CDYL2: variants seen among roughly 807,000 people sequenced by gnomAD.
The protein encoded by CDYL2 is chromodomain Y-like protein 2.
Under a neutral mutation model 49.4 loss-of-function variants are expected in CDYL2, and 23 were observed. The observed-to-expected ratio is 0.47, with a 90% confidence interval of 0.34 to 0.66. CDYL2 has a LOEUF of 0.66. Ranked by LOEUF, CDYL2 falls within the 30% of genes least tolerant of loss-of-function variation. The pLI is 0.01. For synonymous variants in CDYL2, 360 were observed against 268.8 expected, an observed-to-expected ratio of 1.34 and a Z score of -3.32; for missense variants, 678 against 656.4, an observed-to-expected ratio of 1.03 and a Z score of -0.36.
intron 2 of CDYL2, among the ~76,000 whole-genome samples, chr16:80,651,212 T>C (rs976914526): frequency 6.6e-6 from 1 of 152,184 alleles, no homozygotes; most frequent in Non-Finnish European, 1.5e-5. Flanking sequence ...AAACATCCCA[T>C]GTACCCATAC....
At chr16:80,763,386 A>G (rs1253925981) in intron 1 of CDYL2, among the ~76,000 whole-genome samples, 1 of 5,076 alleles carries the variant, frequency 2.0e-4, no homozygotes. Flanking sequence ...CGAGGCGGGC[A>G]GATCACTTGA....
chr16:80,727,808 C>A (rs1567586870), intron 1 of CDYL2, among the ~76,000 whole-genome samples: 1 of 152,210 alleles, frequency 6.6e-6, no homozygotes, highest in Non-Finnish European at 1.5e-5. Flanking sequence ...CCCGAGCAGC[C>A]TAACTGAAAG....
At chr16:80,659,629 C>T (rs1480201913) in intron 2 of CDYL2, among the ~76,000 whole-genome samples, 2 of 151,144 alleles carry the variant, frequency 1.3e-5, no homozygotes, top group South Asian at 4.2e-4. Flanking sequence ...TGTCTATATA[C>T]ATATACATAT....
At chr16:80,746,686 C>A (rs1299618068) in intron 1 of CDYL2, among the ~76,000 whole-genome samples, 1 of 152,094 alleles carries the variant, frequency 6.6e-6, no homozygotes, top group Non-Finnish European at 1.5e-5. Context: ...GCTTAGAAGG[C>A]CCCCTTTTGC....
chr16:80,727,542 G>C (rs926535998), intron 1 of CDYL2, among the ~76,000 whole-genome samples: 10 of 152,238 alleles, frequency 6.6e-5, no homozygotes, highest in African/African-American at 2.4e-4. Context: ...CCATTGCCCA[G>C]GCTTGCTTAG....
intron 1 of CDYL2, among the ~76,000 whole-genome samples, chr16:80,743,166 T>C (rs146315224): frequency 3.9e-5 from 6 of 152,266 alleles, no homozygotes; most frequent in African/African-American, 1.4e-4. Flanking sequence ...ATCAACTTCA[T>C]GGTAGGCAAA....
At chr16:80,663,523 TTC>T (rs1324722837) in intron 2 of CDYL2, among the ~76,000 whole-genome samples, 2 of 152,138 alleles carry the variant, frequency 1.3e-5, no homozygotes, top group African/African-American at 2.4e-5. Context: ...AAAGTTTAGG[TTC>T]TCAGATTATC....
At chr16:80,673,321 A>AAAAT (rs902402027) in intron 2 of CDYL2, among the ~76,000 whole-genome samples, 27 of 152,274 alleles carry the variant, frequency 1.8e-4, no homozygotes, top group African/African-American at 5.8e-4. Flanking sequence ...CTCTGTCTCA[A>AAAAT]AAATAAATAA....
chr16:80,748,736 A>C (rs565526613), intron 1 of CDYL2, among the ~76,000 whole-genome samples: 26 of 152,098 alleles, frequency 1.7e-4, no homozygotes, highest in East Asian at 5.8e-4. Flanking sequence ...ACCACCACCA[A>C]CAACAACCTC....
chr16:80,665,638 C>T (rs1909230633), intron 2 of CDYL2, among the ~76,000 whole-genome samples: 1 of 152,012 alleles, frequency 6.6e-6, no homozygotes, highest in Non-Finnish European at 1.5e-5. Flanking sequence ...TCAGGACAGA[C>T]CCTCTTTCTG....
chr16:80,663,926 A>C (rs1052145191), intron 2 of CDYL2, among the ~76,000 whole-genome samples: 10 of 152,214 alleles, frequency 6.6e-5, no homozygotes, highest in African/African-American at 2.4e-4. Context: ...GTAAAGCATG[A>C]ATTCAAAATA....
At chr16:80,733,839 A>G (rs1217757115) in intron 1 of CDYL2, among the ~76,000 whole-genome samples, 1 of 152,080 alleles carries the variant, frequency 6.6e-6, no homozygotes, top group East Asian at 1.9e-4. Flanking sequence ...CCTTCCTCCA[A>G]TCTCATCTCC....
At chr16:80,686,066 T>A (rs1234753488) in intron 1 of CDYL2, among the ~76,000 whole-genome samples, 1 of 152,226 alleles carries the variant, frequency 6.6e-6, no homozygotes, top group Non-Finnish European at 1.5e-5. Flanking sequence ...GATGAAGATA[T>A]TGCATATAAG....
chr16:80,621,468 A>C (rs536343824), intron 3 of CDYL2, among the ~76,000 whole-genome samples: 2 of 152,332 alleles, frequency 1.3e-5, no homozygotes, highest in Admixed American at 6.5e-5. Context: ...GTCCCACTGG[A>C]GTTCCAAGCC....
intron 4 of CDYL2, among the ~76,000 whole-genome samples, chr16:80,615,104 T>C (rs936610325): frequency 6.6e-6 from 1 of 152,128 alleles, no homozygotes; most frequent in Non-Finnish European, 1.5e-5. Flanking sequence ...TTCCCTAAGA[T>C]GGTGGAGTTA....
At chr16:80,792,869 G>A (rs1231701476) in intron 1 of CDYL2, among the ~76,000 whole-genome samples, 1 of 152,076 alleles carries the variant, frequency 6.6e-6, no homozygotes, top group Non-Finnish European at 1.5e-5. Context: ...CCTTCCCATG[G>A]AACAGCCTAC....
intron 1 of CDYL2, among the ~76,000 whole-genome samples, chr16:80,776,826 T>G (rs1488166525): frequency 6.6e-6 from 1 of 151,802 alleles, no homozygotes; most frequent in Non-Finnish European, 1.5e-5. Context: ...CAAAACTTTT[T>G]TTTTTTTTGG....
intron 2 of CDYL2, among the ~76,000 whole-genome samples, chr16:80,645,989 G>A (rs1216172912): frequency 2.5e-5 from 3 of 120,098 alleles, no homozygotes; most frequent in African/African-American, 6.3e-5. Flanking sequence ...CTGTCATGGG[G>A]TGGGGGGAGG....
At chr16:80,713,869 T>A (rs750329910) in intron 1 of CDYL2, among the ~76,000 whole-genome samples, 1 of 152,132 alleles carries the variant, frequency 6.6e-6, no homozygotes, top group Non-Finnish European at 1.5e-5. Context: ...ACGGAGAGAC[T>A]ACATGCAGGT....
Sources: allele counts gnomAD v4.1 joint callset (sites outside exome capture counted in the v4.1 genomes callset), GRCh38; gene constraint gnomAD v4.1.1; transcripts MANE v1.5; gene names NCBI Gene and HGNC (gene_info 2026-07-23, HGNC 2026-07-21).